Variants in OPCML observed in about 807,000 individuals in gnomAD.
OPCML encodes opioid binding protein/cell adhesion molecule like.
In OPCML, 13 loss-of-function variants were observed where a neutral mutation model predicts 37.8. That is an observed-to-expected ratio of 0.34 (90% CI 0.22 to 0.55). OPCML has a LOEUF of 0.55. OPCML is among the 20% of genes least tolerant of loss of function. The pLI is 0.91. For synonymous variants in OPCML, 176 were observed against 168.8 expected (o/e 1.04, Z -0.33); for missense variants, 341 against 435.6 (o/e 0.78, Z 1.93).
intron 1 of OPCML, among the ~76,000 whole-genome samples, chr11:133,287,461 C>T (rs753993536): frequency 2.0e-5 from 3 of 149,644 alleles, no homozygotes; most frequent in Non-Finnish European, 4.4e-5. Flanking sequence ...TGTTTGATAG[C>T]CCCCTGAGGC....
chr11:133,069,358 T>C (rs1439134373), intron 1 of OPCML, among the ~76,000 whole-genome samples: 1 of 152,194 alleles, frequency 6.6e-6, no homozygotes, highest in Non-Finnish European at 1.5e-5. Context: ...ACAAAATTAC[T>C]CATGTTTTAG....
At chr11:132,705,951 G>A (rs1944015791) in intron 2 of OPCML, among the ~76,000 whole-genome samples, 2 of 152,066 alleles carry the variant, frequency 1.3e-5, no homozygotes, top group Admixed American at 6.5e-5. Context: ...GGGATTACAG[G>A]CATGCACCAC....
rs570900390 is a variant in OPCML at position 133,415,710 on chromosome 11, G to T, written c.61+116554C>A. On this transcript the variant is annotated intron_variant, in intron 1 of 7. Coordinates refer to ENST00000524381, the MANE Select transcript of OPCML (RefSeq NM_001012393.5). ...TTAGGAGTATGGACCTTGGAATGGGGAGATTATCCTAGATCATTTAGGTAG... is the reference window on the plus strand; with the variant it reads ...TTAGGAGTATGGACCTTGGAATGGGTAGATTATCCTAGATCATTTAGGTAG... 3.3e-5 allele frequency among the ~76,000 whole-genome samples: 5 copies of T among 152,318 alleles called. No individual in the cohort carries two copies. In the East Asian group the frequency reaches 9.7e-4, roughly 29 times the overall value.
chr11:133,142,622 C>T (rs959625053), intron 1 of OPCML, among the ~76,000 whole-genome samples: 3 of 152,180 alleles, frequency 2.0e-5, no homozygotes, highest in Non-Finnish European at 2.9e-5. Context: ...CCTGGCAGTA[C>T]ATAGCACACA....
At chr11:133,229,306 G>A (rs2136382449) in intron 1 of OPCML, among the ~76,000 whole-genome samples, 1 of 152,224 alleles carries the variant, frequency 6.6e-6, no homozygotes, top group East Asian at 1.9e-4. Context: ...GGTTTGGCAT[G>A]GTCTGAAAAT....
intron 1 of OPCML, among the ~76,000 whole-genome samples, chr11:133,467,264 G>C (rs1482566429): frequency 3.9e-5 from 6 of 152,160 alleles, no homozygotes; most frequent in Admixed American, 3.9e-4. Context: ...TCTCTTTCAA[G>C]TGCAAAATAC....
At chr11:132,776,235 C>G (rs1946805540) in intron 2 of OPCML, among the ~76,000 whole-genome samples, 2 of 152,382 alleles carry the variant, frequency 1.3e-5, no homozygotes, top group Admixed American at 6.5e-5. Context: ...CAGCTGCATC[C>G]TGTTTCTTTC....
At chr11:133,022,936 G>A (rs1012422041) in intron 1 of OPCML, among the ~76,000 whole-genome samples, 1 of 152,194 alleles carries the variant, frequency 6.6e-6, no homozygotes, top group African/African-American at 2.4e-5. Context: ...AGCAATACAG[G>A]GAATGCTTTT....
At chr11:132,529,562 A>AT (rs2096318239) in intron 3 of OPCML, among the ~76,000 whole-genome samples, 1 of 152,206 alleles carries the variant, frequency 6.6e-6, no homozygotes, top group Non-Finnish European at 1.5e-5. Context: ...GCTGATAACC[A>AT]TTAGGGAGCC....
At chr11:132,846,295 C>T (rs777633404) in intron 2 of OPCML, among the ~76,000 whole-genome samples, 1 of 152,188 alleles carries the variant, frequency 6.6e-6, no homozygotes. Context: ...CGCCCCCACT[C>T]GGGACTGCTA....
Position 132,464,226 on chromosome 11 carries a change from C to G in OPCML, c.506-26867G>C, listed in dbSNP as rs768697527. Among the ~76,000 whole-genome samples the G allele has an allele frequency of 6.2e-4, 95 of 152,192 alleles. 1 individual carries two copies. Among genetic ancestry groups the G allele is most frequent in the Non-Finnish European group, 1.0e-3 (71 of 68,048 alleles). ...GCTTGTGTCCCCATCTCCTTCATGT[C>G]TCTGTCTGGAAGTTATCACCAGGGA... On this transcript the variant is annotated intron_variant, in intron 4 of 7. Coordinates refer to ENST00000524381, the MANE Select transcript of OPCML (RefSeq NM_001012393.5).
intron 1 of OPCML, among the ~76,000 whole-genome samples, chr11:133,328,550 T>A (rs1043950711): frequency 2.6e-5 from 4 of 152,208 alleles, no homozygotes; most frequent in African/African-American, 7.2e-5. Context: ...TTCATCATTA[T>A]CATTAGAAAA....
chr11:133,207,278 C>T (rs1012808366), intron 1 of OPCML, among the ~76,000 whole-genome samples: 11 of 152,094 alleles, frequency 7.2e-5, no homozygotes, highest in Admixed American at 1.3e-4. Flanking sequence ...CCAGCCTGGG[C>T]GACAGAGTGA....
At chr11:133,284,546 A>C (rs1941220) in intron 1 of OPCML, among the ~76,000 whole-genome samples, 1 of 152,006 alleles carries the variant, frequency 6.6e-6, no homozygotes, top group East Asian at 1.9e-4. Flanking sequence ...GCGGCAACAA[A>C]TGGGAAGGGA....
At chr11:132,610,210 C>T (rs1938555633) in intron 3 of OPCML, among the ~76,000 whole-genome samples, 1 of 152,174 alleles carries the variant, frequency 6.6e-6, no homozygotes, top group Admixed American at 6.5e-5. Context: ...GCATCTCCAG[C>T]CCCTCCTCTC....
At chr11:133,017,378 G>A (rs1213242284) in intron 1 of OPCML, among the ~76,000 whole-genome samples, 1 of 151,830 alleles carries the variant, frequency 6.6e-6, no homozygotes, top group East Asian at 1.9e-4. Context: ...CCACCATCGA[G>A]ACCCCTCTTT....
chr11:133,334,294 A>G (rs1365634298), intron 1 of OPCML, among the ~76,000 whole-genome samples: 1 of 152,256 alleles, frequency 6.6e-6, no homozygotes, highest in Non-Finnish European at 1.5e-5. Context: ...CATATACACC[A>G]TGGAATATTA....
intron 1 of OPCML, among the ~76,000 whole-genome samples, chr11:133,291,302 T>C (rs960091594): frequency 1.3e-5 from 2 of 152,240 alleles, no homozygotes; most frequent in East Asian, 3.9e-4. Context: ...CGATGCTTCA[T>C]GGGGTGTCTG....
intron 1 of OPCML, among the ~76,000 whole-genome samples, chr11:133,221,916 CTCT>C (rs1172824462): frequency 1.6e-4 from 25 of 152,172 alleles, no homozygotes; most frequent in African/African-American, 5.8e-4. Flanking sequence ...AACTAATGTT[CTCT>C]TCTTCTGAAG....
Sources: allele counts gnomAD v4.1 joint callset (sites outside exome capture counted in the v4.1 genomes callset), GRCh38; gene constraint gnomAD v4.1.1; transcripts MANE v1.5; gene names NCBI Gene and HGNC (gene_info 2026-07-23, HGNC 2026-07-21).